The following PALM2AKAP2 variants were observed in gnomAD, a reference collection of about 807,000 sequenced individuals.
PALM2AKAP2 encodes PALM2-AKAP2 fusion protein.
A neutral mutation model predicts 71.5 loss-of-function variants in PALM2AKAP2; 37 were observed. The ratio of observed to expected loss-of-function variants is 0.52; its 90% CI spans 0.40 to 0.68. The LOEUF (loss-of-function observed/expected upper bound fraction) is 0.68, where lower values mean the gene tolerates loss of function less well. Ranked by LOEUF, PALM2AKAP2 falls within the 30% of genes least tolerant of loss-of-function variation. The pLI is 0.00. For synonymous variants in PALM2AKAP2, 468 were observed against 478.8 expected, an observed-to-expected ratio of 0.98 and a Z score of 0.29; for missense variants, 1,224 against 1,191.8, an observed-to-expected ratio of 1.03 and a Z score of -0.40.
intron 6 of PALM2AKAP2, among the ~76,000 whole-genome samples, chr9:109,969,323 C>T (rs1832020295): frequency 6.6e-6 from 1 of 152,232 alleles, no homozygotes; most frequent in South Asian, 2.1e-4. Flanking sequence ...TGTGAGTCTC[C>T]TCTCGCCTGA....
intron 1 of PALM2AKAP2, chr9:109,765,565 G>A (rs566573270): frequency 1.3e-4 from 20 of 153,208 alleles, no homozygotes; most frequent in African/African-American, 4.8e-4. Context: ...AATCACCTGA[G>A]AAATTTACAA....
chr9:109,663,036 G>A (rs569508725), intron 1 of PALM2AKAP2, among the ~76,000 whole-genome samples: 86 of 151,864 alleles, frequency 5.7e-4, no homozygotes, highest in African/African-American at 1.9e-3. Flanking sequence ...TTTTTTTATT[G>A]CATCTATTTG....
chr9:109,787,671 G>A (rs1373948884), intron 1 of PALM2AKAP2, among the ~76,000 whole-genome samples: 1 of 152,020 alleles, frequency 6.6e-6, no homozygotes, highest in East Asian at 1.9e-4. Flanking sequence ...TGAGAACGTG[G>A]GTCTTATGTT....
chr9:109,693,771 T>A (rs1472631887), intron 1 of PALM2AKAP2, among the ~76,000 whole-genome samples: 1 of 152,096 alleles, frequency 6.6e-6, no homozygotes, highest in East Asian at 1.9e-4. Context: ...TCTTCTAACA[T>A]TGATTTCTAG....
intron 1 of PALM2AKAP2, among the ~76,000 whole-genome samples, chr9:110,091,664 G>A (rs113755734): frequency 0.12 from 18,822 of 151,752 alleles, 1,337 homozygotes; most frequent in African/African-American, 0.18. Context: ...GGGTTTCACC[G>A]TGTTAGCCAG....
At chr9:109,896,384 G>A (rs892276477) in intron 3 of PALM2AKAP2, among the ~76,000 whole-genome samples, 1 of 152,020 alleles carries the variant, frequency 6.6e-6, no homozygotes, top group African/African-American at 2.4e-5. Context: ...AATATTAATA[G>A]AGTCTGGCAG....
chr9:110,098,460 A>G (rs934366054), intron 1 of PALM2AKAP2, among the ~76,000 whole-genome samples: 6 of 152,250 alleles, frequency 3.9e-5, no homozygotes, highest in Non-Finnish European at 7.3e-5. Context: ...AATGTATTGT[A>G]TACTTTAAAA....
intron 3 of PALM2AKAP2, among the ~76,000 whole-genome samples, chr9:109,916,126 T>G (rs923516033): frequency 6.6e-6 from 1 of 152,208 alleles, no homozygotes; most frequent in Non-Finnish European, 1.5e-5. Flanking sequence ...GTATTTTTAG[T>G]AGAGACGGAG....
chr9:109,691,869 C>CAT (rs1222359189), intron 1 of PALM2AKAP2, among the ~76,000 whole-genome samples: 1 of 44,264 alleles, frequency 2.3e-5, no homozygotes, highest in Non-Finnish European at 4.4e-5. Context: ...TATATATATA[C>CAT]ACACACACAC....
intron 1 of PALM2AKAP2, among the ~76,000 whole-genome samples, chr9:109,695,821 C>G (rs549056475): frequency 2.6e-4 from 40 of 152,068 alleles, no homozygotes; most frequent in African/African-American, 9.4e-4. Flanking sequence ...GGAGCTAAAA[C>G]CGTAGATCTC....
intron 1 of PALM2AKAP2, among the ~76,000 whole-genome samples, chr9:109,703,219 T>C (rs1048577090): frequency 6.6e-6 from 1 of 152,220 alleles, no homozygotes; most frequent in Non-Finnish European, 1.5e-5. Context: ...ATATTGCTGA[T>C]ATTCAGGTCA....
At chr9:110,155,816 C>T (rs1836439931) in intron 2 of PALM2AKAP2, among the ~76,000 whole-genome samples, 1 of 152,192 alleles carries the variant, frequency 6.6e-6, no homozygotes, top group Non-Finnish European at 1.5e-5. Flanking sequence ...GGTCAGCAGA[C>T]AATTGACTTC....
intron 6 of PALM2AKAP2, among the ~76,000 whole-genome samples, chr9:109,990,067 C>CTTTTTTTTTTT (rs35739397): frequency 3.7e-5 from 5 of 134,108 alleles, no homozygotes; most frequent in Non-Finnish European, 4.8e-5. Flanking sequence ...TTCTTTCTTT[C>CTTTTTTTTTTT]TTTTTTTTTT....
rs147509790 is a variant in PALM2AKAP2, at chr9:109,743,152, C to T, written c.6-37336C>T. Among the ~76,000 whole-genome samples, 4 of 152,266 alleles carry T rather than the reference C, an allele frequency of 2.6e-5. No homozygotes were observed. In the East Asian group the frequency reaches 7.7e-4, roughly 29 times the overall value. On this transcript the variant is annotated intron_variant, in intron 1 of 6. Coordinates refer to the PALM2AKAP2 transcript ENST00000374531. ...CTCTATTCACCCAACCTCCACAACT[C>T]CCCAAATCCAGTAGGATAAAAAAAG...
At chr9:110,030,820 C>G (rs1833266189) in intron 7 of PALM2AKAP2, among the ~76,000 whole-genome samples, 1 of 152,146 alleles carries the variant, frequency 6.6e-6, no homozygotes, top group Non-Finnish European at 1.5e-5. Context: ...CATGCTCATA[C>G]AAGATGCTTG....
At position 109,735,608 on chromosome 9, in the gene PALM2AKAP2, A is replaced by C. The variant is rs549409055; in HGVS notation, c.6-44880A>C. Among the ~76,000 whole-genome samples the C allele has an allele frequency of 1.4e-4, 21 of 152,262 alleles. No individual in the cohort carries two copies. In the South Asian group the frequency reaches 4.4e-3, roughly 32 times the overall value. ...AATCAAAAAATGATTTTTTGGCTGA[A>C]ATGTCTGTTGCATGATTAAGAAGTT... On this transcript the variant is annotated intron_variant, in intron 1 of 6. Transcript: ENST00000374531.
At chr9:109,780,278 G>A (rs1386176422), upstream of PALM2AKAP2, 1 of 1,205,884 alleles carries the variant, frequency 8.3e-7, no homozygotes, top group African/African-American at 1.6e-5. Flanking sequence ...GCGCAGCCAG[G>A]CGGCCGGGAG....
chr9:110,075,128 C>T (rs1834292801), intron 1 of PALM2AKAP2, among the ~76,000 whole-genome samples: 1 of 152,132 alleles, frequency 6.6e-6, no homozygotes, highest in African/African-American at 2.4e-5. Context: ...AAATTCTGGC[C>T]GAATGTCGGT....
intron 1 of PALM2AKAP2, among the ~76,000 whole-genome samples, chr9:109,669,096 A>C (rs1051226442): frequency 1.3e-5 from 2 of 152,210 alleles, no homozygotes; most frequent in Admixed American, 1.3e-4. Flanking sequence ...CCTATACTTT[A>C]GGGACGTAGA....
Sources: allele counts gnomAD v4.1 joint callset (sites outside exome capture counted in the v4.1 genomes callset), GRCh38; gene constraint gnomAD v4.1.1; transcripts MANE v1.5; gene names NCBI Gene and HGNC (gene_info 2026-07-23, HGNC 2026-07-21).